Variants in GRM5 observed in about 807,000 individuals in gnomAD.
GRM5 encodes glutamate metabotropic receptor 5.
A neutral mutation model predicts 83.1 loss-of-function variants in GRM5; 19 were observed. That is an observed-to-expected ratio of 0.23 (90% CI 0.16 to 0.34). The LOEUF is 0.34. GRM5 is among the 10% of genes least tolerant of loss of function. The pLI, the probability that GRM5 is intolerant of heterozygous loss-of-function variation, is 1.00. For synonymous variants in GRM5, 675 were observed against 633.6 expected (o/e 1.07, Z -0.98); for missense variants, 1,160 against 1,588.3 (o/e 0.73, Z 4.58).
intron 2 of GRM5, among the ~76,000 whole-genome samples, chr11:88,947,264 T>G (rs537463761): frequency 1.3e-5 from 2 of 152,290 alleles, no homozygotes; most frequent in African/African-American, 4.8e-5. Flanking sequence ...ATGTTAATGT[T>G]TATAGAAATT....
intron 3 of GRM5, among the ~76,000 whole-genome samples, chr11:88,815,178 C>T (rs543301948): frequency 1.3e-5 from 2 of 152,214 alleles, no homozygotes; most frequent in East Asian, 3.9e-4. Context: ...TATTCTAAGC[C>T]ATAAATCAAG....
chr11:89,061,628 A>G (rs1446463626), intron 1 of GRM5, among the ~76,000 whole-genome samples: 1 of 152,186 alleles, frequency 6.6e-6, no homozygotes, highest in Non-Finnish European at 1.5e-5. Context: ...GGTTGGTTAT[A>G]ATAGATATGA....
chr11:88,817,711 C>T (rs899635325), intron 3 of GRM5, among the ~76,000 whole-genome samples: 3 of 152,024 alleles, frequency 2.0e-5, no homozygotes, highest in African/African-American at 4.8e-5. Context: ...TGGATGCTAA[C>T]ATTGTGGTAG....
chr11:88,837,737 T>C (rs1238894378), intron 3 of GRM5, among the ~76,000 whole-genome samples: 1 of 152,112 alleles, frequency 6.6e-6, no homozygotes, highest in Non-Finnish European at 1.5e-5. Flanking sequence ...CCACGTCAAC[T>C]GGTATTATTT....
rs188064553 is a variant in GRM5 at position 88,998,568 on chromosome 11, A to C, written c.661+48644T>G. ...TTCCCATTATTCAAAATAGCACTAG[A>C]TGTTCTAGCCAGTGCAACAGGCAAT... On this transcript the variant is annotated intron_variant, in intron 2 of 9. Coordinates refer to ENST00000305447, the MANE Select transcript of GRM5 (RefSeq NM_001143831.3). Among the ~76,000 whole-genome samples, 699 of 152,298 alleles carry C rather than the reference A, an allele frequency of 4.6e-3. 5 individuals carry two copies. Among genetic ancestry groups the C allele is most frequent in the South Asian group, 0.028 (136 of 4,826 alleles).
chr11:88,943,974 A>C (rs1938194196), intron 2 of GRM5, among the ~76,000 whole-genome samples: 1 of 152,004 alleles, frequency 6.6e-6, no homozygotes. Context: ...GAAGTTGTAA[A>C]TAGTAAACAT....
chr11:88,651,022 G>A (rs1939617549), intron 4 of GRM5, among the ~76,000 whole-genome samples: 1 of 151,978 alleles, frequency 6.6e-6, no homozygotes, highest in Admixed American at 6.6e-5. Context: ...CAAGGGGGGG[G>A]ATGGACTAAG....
intron 4 of GRM5, among the ~76,000 whole-genome samples, chr11:88,611,225 T>C (rs1223574360): frequency 1.3e-5 from 2 of 152,250 alleles, no homozygotes; most frequent in Non-Finnish European, 2.9e-5. Context: ...TGATGCTGGC[T>C]TTGTAGAATG....
intron 3 of GRM5, among the ~76,000 whole-genome samples, chr11:88,719,989 A>G (rs182107710): frequency 4.4e-4 from 67 of 152,196 alleles, no homozygotes; most frequent in Middle Eastern, 3.4e-3. Context: ...CATAGTTTGC[A>G]AAAATGTTCT....
intron 4 of GRM5, among the ~76,000 whole-genome samples, chr11:88,635,435 C>A (rs747830982): frequency 2.0e-5 from 3 of 152,054 alleles, no homozygotes; most frequent in Non-Finnish European, 4.4e-5. Context: ...GTGTTAAGCA[C>A]TTTTCATATA....
intron 2 of GRM5, among the ~76,000 whole-genome samples, chr11:88,936,084 T>A (rs906434097): frequency 2.0e-5 from 3 of 151,700 alleles, no homozygotes; most frequent in African/African-American, 7.3e-5. Flanking sequence ...ATTAATGGAG[T>A]CAGGTACAAG....
intron 2 of GRM5, among the ~76,000 whole-genome samples, chr11:88,921,507 G>C (rs1044485378): frequency 5.3e-5 from 8 of 152,082 alleles, no homozygotes; most frequent in African/African-American, 1.7e-4. Flanking sequence ...GCGGGCACCT[G>C]TAGTCCCAGC....
intron 2 of GRM5, among the ~76,000 whole-genome samples, chr11:88,884,315 G>T (rs1340795579): frequency 6.6e-6 from 1 of 152,202 alleles, no homozygotes; most frequent in Non-Finnish European, 1.5e-5. Context: ...TTTTGGACTT[G>T]CATGGAGCCT....
chr11:88,806,196 C>T (rs1183833792), intron 3 of GRM5, among the ~76,000 whole-genome samples: 2 of 152,114 alleles, frequency 1.3e-5, no homozygotes, highest in Non-Finnish European at 2.9e-5. Context: ...ATACACAAGC[C>T]AAGATTCATA....
At chr11:88,796,899 CGTGT>C (rs36203408) in intron 3 of GRM5, among the ~76,000 whole-genome samples, 31,120 of 143,094 alleles carry the variant, frequency 0.22, 4,048 homozygotes, top group Non-Finnish European at 0.3. Flanking sequence ...CACACACACA[CGTGT>C]GTGTGTGTGT....
chr11:88,592,616 T>C (rs1349941735), intron 6 of GRM5, among the ~76,000 whole-genome samples: 3 of 152,326 alleles, frequency 2.0e-5, no homozygotes, highest in African/African-American at 7.2e-5. Context: ...ATTCATGCCC[T>C]TTTCCAAGAA....
At chr11:88,784,024 T>C (rs962628869) in intron 3 of GRM5, among the ~76,000 whole-genome samples, 5 of 152,038 alleles carry the variant, frequency 3.3e-5, no homozygotes, top group Admixed American at 2.6e-4. Flanking sequence ...TTACATTAAT[T>C]TCTTCCCAGC....
intron 3 of GRM5, among the ~76,000 whole-genome samples, chr11:88,839,583 C>T (rs1022100059): frequency 1.3e-5 from 2 of 152,096 alleles, no homozygotes; most frequent in Non-Finnish European, 2.9e-5. Flanking sequence ...ACATTTTGTT[C>T]ACCACTTAAA....
intron 1 of GRM5, among the ~76,000 whole-genome samples, chr11:89,057,241 C>CAAAAAAAAACAAG (rs1941896885): frequency 6.6e-6 from 1 of 152,080 alleles, no homozygotes; most frequent in Non-Finnish European, 1.5e-5. Flanking sequence ...ATCAATGCAT[C>CAAAAAAAAACAAG]TGATATATTT....
Sources: gnomAD v4.1 joint callset for allele counts (sites outside exome capture counted in the v4.1 genomes callset) on GRCh38, gnomAD v4.1.1 for gene constraint, MANE v1.5 for transcripts, NCBI Gene and HGNC (gene_info 2026-07-23, HGNC 2026-07-21) for gene names.